Variants in CPSF4 observed in about 807,000 individuals in gnomAD.
CPSF4 encodes cleavage and polyadenylation specific factor 4.
Under a neutral mutation model 37.7 loss-of-function variants are expected in CPSF4, and 11 were observed. The observed-to-expected ratio is 0.29, with a 90% CI of 0.18 to 0.48. The LOEUF is 0.48. Among genes scored for constraint, CPSF4 ranks in the 20% least tolerant of loss-of-function variants. CPSF4 has a pLI of 0.99. For missense variants in CPSF4, 144 were observed against 359.5 expected (o/e 0.40, Z 4.85); for synonymous variants, 132 against 135.9 (o/e 0.97, Z 0.20).
intron 3 of CPSF4, among the ~76,000 whole-genome samples, chr7:99,449,531 C>T (rs549901245): frequency 2.0e-5 from 3 of 152,342 alleles, no homozygotes; most frequent in Admixed American, 1.3e-4. Flanking sequence ...TGGTGCAGGA[C>T]GCACTGTCTG....
chr7:99,439,413 G>T (rs1796678321), intron 1 of CPSF4: 1 of 473,142 alleles, frequency 2.1e-6, no homozygotes, highest in Non-Finnish European at 3.7e-6. Context: ...TCCCTCATCT[G>T]TGGTCCCGAG....
rs771895243 is a variant in CPSF4 at position 99,448,152 on chromosome 7, T to C, written c.186T>C (p.Gly62=). 6 of 1,614,144 alleles carry C rather than the reference T, an allele frequency of 3.7e-6. No individual in the cohort carries two copies. Among genetic ancestry groups the C allele is most frequent in the South Asian group, 1.1e-5 (1 of 91,076 alleles). Residue 62 remains glycine, a synonymous_variant, in exon 3 of 8, where the codon GGT becomes GGC. Transcript: ENST00000292476. This position sits in a 1 kb window ranked among gnomAD's most constrained non-coding sequence, Gnocchi z 4.4. ...TGTGTCCGTTTCGCCACATCAGTGG[T>C]GAGAAGACAGTTGTGTGCAAACACT... The part of the protein sequence containing the change: ...GGMCPFRHIS[G]EKTVVCKHWL...
At position 99,448,708 on chromosome 7, in the gene CPSF4, T is replaced by G. The variant is rs574372181; in HGVS notation, c.307+435T>G. The G allele has an allele frequency of 6.4e-6, 1 of 157,178 alleles. No homozygotes were observed. Among genetic ancestry groups the G allele is most frequent in the African/African-American group, 2.4e-5 (1 of 41,632 alleles). 9.7% of individuals were successfully genotyped at this position (157,178 alleles called of 1,614,324 possible). A position where few individuals can be genotyped will look rare whatever the true frequency, so the allele number is the denominator to read the frequency against. ...GCGAGTTGTGCAGCTGGCTGCATTA[T>G]GTCCGTGGTTGGTTTCTGTCCACGT... is the stretch of plus-strand genomic sequence containing the variant. On this transcript the variant is annotated intron_variant, in intron 3 of 7. Transcript: ENST00000292476. This position sits in a 1 kb window ranked among gnomAD's most constrained non-coding sequence, Gnocchi z 4.4.
chr7:99,452,724 T>C, intron 6 of CPSF4: 1 of 367,654 alleles, frequency 2.7e-6, no homozygotes, highest in Non-Finnish European at 5.0e-6. Flanking sequence ...CTAACCTGGT[T>C]CAGCAGCGTC....
At position 99,456,533 on chromosome 7, in the gene CPSF4, G is replaced by GGCCCC; in HGVS notation, c.*36_*40dup. 1 of 1,599,726 alleles carries GGCCCC rather than the reference G, an allele frequency of 6.3e-7. No homozygotes were observed. The highest frequency in any genetic ancestry group is 8.6e-7 in the Non-Finnish European group (1 of 1,167,684). ...TGGAGCCAGCTCCGAGCAGCCCGGG[G>GGCCCC]GCCCCGCTGTTGGGAGTGTGCATTT... On this transcript the variant is annotated 3_prime_UTR_variant, in exon 8 of 8. Coordinates refer to ENST00000292476, the MANE Select transcript of CPSF4 (RefSeq NM_006693.4).
Position 99,448,374 on chromosome 7 carries a change from TTTCTA to T in CPSF4, c.307+106_307+110del. On this transcript the variant is annotated intron_variant, in intron 3 of 7. Transcript: ENST00000292476. The surrounding 1 kb of genome is among the most constrained non-coding windows in gnomAD (Gnocchi z 4.4). ...ACTGTCTCTGCCTGCTTTTCCCATC[TTTCTA>T]TTCTCAGAGGAGAACTCTGGCAGAA... is the stretch of plus-strand genomic sequence containing the variant. The T allele has an allele frequency of 1.5e-6, 2 of 1,330,246 alleles. No homozygotes were observed. Among genetic ancestry groups the T allele is most frequent in the Non-Finnish European group, 1.0e-6 (1 of 982,436 alleles). The allele number at this position is 1,330,246 out of a possible 1,614,324, so 82.4% of individuals were successfully genotyped here.
chr7:99,447,506 G>A (rs373621057), intron 2 of CPSF4, among the ~76,000 whole-genome samples: 2 of 151,430 alleles, frequency 1.3e-5, no homozygotes, highest in Non-Finnish European at 2.9e-5. Flanking sequence ...TCCTGACCTC[G>A]TGATCTACCC....
intron 4 of CPSF4, 46 bp from the exon 5 acceptor site, chr7:99,450,656 A>G: frequency 5.5e-6 from 8 of 1,451,480 alleles, no homozygotes; most frequent in South Asian, 1.1e-5. Context: ...CCAGCTCTCT[A>G]ACTGGTAGAG....
At chr7:99,443,248 TC>T in intron 1 of CPSF4, 1 of 774,500 alleles carries the variant, frequency 1.3e-6, no homozygotes. Context: ...TTCACCACTT[TC>T]TTCTCTGCTG....
rs367871586 is a variant in CPSF4 at position 99,456,534 on chromosome 7, G to T, written c.*34G>T. The T allele has an allele frequency of 6.3e-7, 1 of 1,596,638 alleles. No homozygotes were observed. The highest frequency in any genetic ancestry group is 1.1e-5 in the South Asian group (1 of 90,708). ...GGAGCCAGCTCCGAGCAGCCCGGGG[G>T]CCCCGCTGTTGGGAGTGTGCATTTA... is the stretch of plus-strand genomic sequence containing the variant. On this transcript the variant is annotated 3_prime_UTR_variant, in exon 8 of 8. Coordinates refer to ENST00000292476, the MANE Select transcript of CPSF4 (RefSeq NM_006693.4).
intron 2 of CPSF4, among the ~76,000 whole-genome samples, chr7:99,445,110 A>T (rs1041465488): frequency 1.3e-5 from 2 of 152,212 alleles, no homozygotes; most frequent in African/African-American, 4.8e-5. Context: ...AGAAGCCCCC[A>T]GCATTGAGAC....
chr7:99,453,087 A>C lies in CPSF4; in HGVS notation c.570+647A>C, dbSNP rs902365394. On this transcript the variant is annotated intron_variant, in intron 6 of 7. Coordinates refer to ENST00000292476, the MANE Select transcript of CPSF4 (RefSeq NM_006693.4). This position sits in a 1 kb window ranked among gnomAD's most constrained non-coding sequence, Gnocchi z 4.7. ...GATCTGCAGCAGCCTCTCAATGCCA[A>C]GGGCACCCTGAGTTTGGTTATGGGA... The C allele has an allele frequency of 1.3e-5, 2 of 152,452 alleles. No individual in the cohort carries two copies. Among genetic ancestry groups the C allele is most frequent in the Non-Finnish European group, 2.9e-5 (2 of 68,240 alleles). 9.4% of individuals were successfully genotyped at this position (152,452 alleles called of 1,614,324 possible). A position where few individuals can be genotyped will look rare whatever the true frequency, so the allele number is the denominator to read the frequency against.
At chr7:99,444,550 C>A (rs45454594) in intron 1 of CPSF4, among the ~76,000 whole-genome samples, 4,085 of 152,266 alleles carry the variant, frequency 0.027, 84 homozygotes, top group Non-Finnish European at 0.043. Flanking sequence ...ATACAGGAGG[C>A]TCTCAAAGCA....
At position 99,454,462 on chromosome 7, in the gene CPSF4, G is replaced by A. The variant is rs45510494; in HGVS notation, c.741+326G>A. On this transcript the variant is annotated intron_variant, in intron 7 of 7. Coordinates refer to ENST00000292476, the MANE Select transcript of CPSF4 (RefSeq NM_006693.4). ...CAGGGAAGGGTGAGCCCTTGGAGCCGCTGGCTGTCCTGGGGGCATCCTTGG... is the reference window on the plus strand; with the variant it reads ...CAGGGAAGGGTGAGCCCTTGGAGCCACTGGCTGTCCTGGGGGCATCCTTGG... Among the ~76,000 whole-genome samples the A allele has an allele frequency of 5.5e-3, 843 of 152,220 alleles. 6 individuals are homozygous for A. The highest frequency in any genetic ancestry group is 0.02 in the African/African-American group (810 of 41,538).
At position 99,454,035 on chromosome 7, in the gene CPSF4, A is replaced by C; in HGVS notation, c.640A>C (p.Asn214His). The C allele has an allele frequency of 6.2e-7, 1 of 1,614,184 alleles. No homozygotes were observed. The highest frequency in any genetic ancestry group is 8.5e-7 in the Non-Finnish European group (1 of 1,180,006). Residue 214 changes from asparagine to histidine, a missense_variant, in exon 7 of 8, where the codon AAT (asparagine) becomes CAT (histidine). Physicochemically the swap from Asn to His is moderately conservative, Grantham distance 68. Coordinates refer to ENST00000292476, the MANE Select transcript of CPSF4 (RefSeq NM_006693.4). ...GTTAACGAGTCAGAACTCTTCTCCC[A>C]ATCAGCAGAGAACCCCGCAGGTCAT... ...IQLTSQNSSP[N>H]QQRTPQVIGV... is the part of the protein sequence containing the mutation.
chr7:99,440,188 C>T (rs1796764640), intron 1 of CPSF4, among the ~76,000 whole-genome samples: 2 of 152,176 alleles, frequency 1.3e-5, no homozygotes, highest in African/African-American at 4.8e-5. Context: ...GACAATCACT[C>T]AGTGCATAGC....
chr7:99,445,070 C>T (rs949360086), intron 2 of CPSF4, among the ~76,000 whole-genome samples: 6 of 152,182 alleles, frequency 3.9e-5, no homozygotes, highest in African/African-American at 1.4e-4. Flanking sequence ...TCGCATTCCC[C>T]GTGGCCACAA....
At chr7:99,439,298 GATCCTGGGAC>G in intron 1 of CPSF4, 113 bp downstream of exon 1, 4 of 715,364 alleles carry the variant, frequency 5.6e-6, no homozygotes, top group Non-Finnish European at 8.9e-6. Flanking sequence ...GCTTCCTCTG[GATCCTGGGAC>G]CCCTCCCCTT....
intron 1 of CPSF4, among the ~76,000 whole-genome samples, chr7:99,440,623 C>T (rs1475134719): frequency 7.2e-6 from 1 of 138,394 alleles, no homozygotes; most frequent in East Asian, 2.0e-4. Context: ...TTCGGAAGTA[C>T]TGGGATTATA....
Sources: allele counts gnomAD v4.1 joint callset (sites outside exome capture counted in the v4.1 genomes callset), GRCh38; gene constraint gnomAD v4.1.1; non-coding constraint Gnocchi (gnomAD v3.1); transcripts MANE v1.5; gene names NCBI Gene and HGNC (gene_info 2026-07-23, HGNC 2026-07-21).